The following LOC400499 variants were observed in gnomAD, a reference collection of about 807,000 sequenced individuals.
the LOC400499 span, chr16:11,414,504 G>A: frequency 1.0e-5 from 4 of 399,794 alleles, no homozygotes; most frequent in Non-Finnish European, 1.8e-5. Flanking sequence ...CCTGGGTCTG[G>A]GTCTCTAGAG....
chr16:11,397,757 T>TGGAGGGAGGGAGGGATGGAGGGAGGGAG, the LOC400499 span, among the ~76,000 whole-genome samples: 1 of 16,100 alleles, frequency 6.2e-5, no homozygotes, highest in Non-Finnish European at 2.2e-4. Context: ...GAGGGAGGGA[T>TGGAGGGAGGGAGGGATGGAGGGAGGGAG]GGAGGGAGGG....
chr16:11,478,001 T>C, the LOC400499 span: 3 of 398,630 alleles, frequency 7.5e-6, no homozygotes, highest in Non-Finnish European at 8.8e-6. Context: ...CTGCACCTCC[T>C]GCCCCTGCAG....
At chr16:11,492,556 G>GCA in the LOC400499 span, among the ~76,000 whole-genome samples, 3 of 152,014 alleles carry the variant, frequency 2.0e-5, no homozygotes, top group African/African-American at 7.3e-5. Flanking sequence ...AAGCCGAGCT[G>GCA]GGAGGATCAT....
the LOC400499 span, among the ~76,000 whole-genome samples, chr16:11,461,275 A>G: frequency 1.3e-5 from 2 of 152,228 alleles, no homozygotes; most frequent in Admixed American, 1.3e-4. Flanking sequence ...CAGGCCACAG[A>G]CAGGCCTGAT....
chr16:11,447,904 G>T, the LOC400499 span: 2 of 1,524,432 alleles, frequency 1.3e-6, no homozygotes, highest in Non-Finnish European at 1.8e-6. Context: ...ACTTGCAGGG[G>T]TGTCAGCTGA....
the LOC400499 span, among the ~76,000 whole-genome samples, chr16:11,402,730 G>A: frequency 6.6e-6 from 1 of 152,196 alleles, no homozygotes; most frequent in Non-Finnish European, 1.5e-5. Context: ...CCTTGAACAT[G>A]AGGAAGACCA....
chr16:11,410,575 G>A, the LOC400499 span, among the ~76,000 whole-genome samples: 152 of 152,352 alleles, frequency 1.0e-3, 1 homozygote, highest in African/African-American at 3.4e-3. Flanking sequence ...AGCACATAGC[G>A]CATGCTCTGT....
chr16:11,459,387 G>A, the LOC400499 span, among the ~76,000 whole-genome samples: 1 of 151,578 alleles, frequency 6.6e-6, no homozygotes, highest in African/African-American at 2.4e-5. Context: ...TAGTAGAGAC[G>A]GTGTTTCGCC....
the LOC400499 span, chr16:11,448,133 C>T: frequency 6.7e-7 from 1 of 1,496,200 alleles, no homozygotes; most frequent in Non-Finnish European, 8.9e-7. Context: ...TGCAGACCTG[C>T]CTTGCAGGAA....
the LOC400499 span, among the ~76,000 whole-genome samples, chr16:11,412,428 C>T: frequency 6.6e-6 from 1 of 152,190 alleles, no homozygotes; most frequent in Non-Finnish European, 1.5e-5. Context: ...AGGTGAGAAC[C>T]ACTGGTCTAC....
At chr16:11,457,175 G>A in the LOC400499 span, 1 of 803,196 alleles carries the variant, frequency 1.2e-6, no homozygotes, top group South Asian at 1.9e-5. Flanking sequence ...GTGGAACGCA[G>A]TCCAAAAAAA....
At chr16:11,427,761 C>T in the LOC400499 span, among the ~76,000 whole-genome samples, 1 of 152,062 alleles carries the variant, frequency 6.6e-6, no homozygotes, top group Admixed American at 6.5e-5. Flanking sequence ...GTGCACATTT[C>T]TTTTTATGTA....
At chr16:11,448,899 C>A in the LOC400499 span, 11 of 1,443,036 alleles carry the variant, frequency 7.6e-6, no homozygotes, top group East Asian at 2.3e-4. Context: ...CTTGGCTGCA[C>A]GGGCCTCCTG....
chr16:11,383,703 C>T, the LOC400499 span: 138 of 1,232,480 alleles, frequency 1.1e-4, no homozygotes, highest in East Asian at 1.2e-3. Flanking sequence ...TGTAGGCGGC[C>T]GCCAGGTTGC....
the LOC400499 span, among the ~76,000 whole-genome samples, chr16:11,388,049 A>G: frequency 2.0e-5 from 3 of 152,130 alleles, no homozygotes; most frequent in East Asian, 5.8e-4. Context: ...GTATAGTGGG[A>G]AGACAAACAT....
At chr16:11,511,879 T>C in the LOC400499 span, among the ~76,000 whole-genome samples, 3 of 151,732 alleles carry the variant, frequency 2.0e-5, no homozygotes, top group Admixed American at 1.3e-4. Flanking sequence ...ATTTAAAAAA[T>C]AGCCAGGCAT....
chr16:11,468,205 C>T, the LOC400499 span, among the ~76,000 whole-genome samples: 1 of 152,352 alleles, frequency 6.6e-6, no homozygotes, highest in South Asian at 2.1e-4. Flanking sequence ...ACACAGTTAG[C>T]GTACTTTGTT....
At chr16:11,429,004 A>T in the LOC400499 span, among the ~76,000 whole-genome samples, 1 of 152,194 alleles carries the variant, frequency 6.6e-6, no homozygotes, top group South Asian at 2.1e-4. Flanking sequence ...CGGCACTGAA[A>T]TAATGATCAT....
At chr16:11,390,379 G>C in the LOC400499 span, 2 of 1,237,780 alleles carry the variant, frequency 1.6e-6, no homozygotes, top group African/African-American at 1.5e-5. Context: ...CCGCCGCATG[G>C]CCTCCTCTGC....
Sources: allele counts gnomAD v4.1 joint callset (sites outside exome capture counted in the v4.1 genomes callset), GRCh38; gene constraint gnomAD v4.1.1; transcripts MANE v1.5.